Variants in MELK observed in about 807,000 individuals in gnomAD.
MELK encodes pEg3 kinase.
Under a neutral mutation model 85.0 loss-of-function variants are expected in MELK, and 81 were observed. The ratio of observed to expected loss-of-function variants is 0.95; its 90% CI spans 0.80 to 1.15. MELK has a LOEUF of 1.15. Among genes scored for constraint, MELK ranks in the 50% most tolerant of loss-of-function variants. The probability of loss-of-function intolerance (pLI) is 0.00; values close to 1 mark genes in which losing one functional copy is unlikely to be tolerated. For synonymous variants in MELK, 252 were observed against 265.0 expected (o/e 0.95, Z 0.48); for missense variants, 754 against 777.5 (o/e 0.97, Z 0.36).
chr9:36,629,845 T>G (rs957578890), intron 8 of MELK, among the ~76,000 whole-genome samples: 3 of 97,676 alleles, frequency 3.1e-5, no homozygotes, highest in Admixed American at 8.8e-5. Flanking sequence ...AAGAAATTGT[T>G]TTTTTTTTTT....
rs1433696974 is a variant in MELK at position 36,618,957 on chromosome 9, G to GT, written c.666+11285dup. 3.5e-3 allele frequency among the ~76,000 whole-genome samples: 498 copies of GT among 143,234 alleles called. 1 individual carries two copies. Among genetic ancestry groups the GT allele is most frequent in the Middle Eastern group, 0.019 (5 of 268 alleles). 94.0% of individuals were successfully genotyped at this position (143,234 alleles called of 152,430 possible). A position where few individuals can be genotyped will look rare whatever the true frequency, so the allele number is the denominator to read the frequency against. ...AGAATGAGTGAATGGTCAACTCTAA[G>GT]TATTTTTTTTTTTTTTTTTGAGACG... On this transcript the variant is annotated intron_variant, in intron 8 of 17. Coordinates refer to ENST00000298048, the MANE Select transcript of MELK (RefSeq NM_014791.4).
In MELK at chr9:36,615,229, G is replaced by T. The variant is rs1297463261; in HGVS notation, c.666+7556G>T. Reference sequence around the variant, plus strand: ...CCCCCACCTCCCTCCCAGACGGCACGGCTGGCCAGGCGGGGGGCTGACCCC... The same window carrying T: ...CCCCCACCTCCCTCCCAGACGGCACTGCTGGCCAGGCGGGGGGCTGACCCC... On this transcript the variant is annotated intron_variant, in intron 8 of 17. Coordinates refer to ENST00000298048, the MANE Select transcript of MELK (RefSeq NM_014791.4). Among the ~76,000 whole-genome samples, 1,180 of 138,372 alleles carry T rather than the reference G, an allele frequency of 8.5e-3. 33 individuals carry two copies. The highest frequency in any genetic ancestry group is 0.029 in the African/African-American group (1,004 of 34,076). The allele number at this position is 138,372 out of a possible 152,430, so 90.8% of individuals were successfully genotyped here. A position where few individuals can be genotyped will look rare whatever the true frequency, so the allele number is the denominator to read the frequency against.
At chr9:36,605,964 A>AAG (rs929816875) in intron 7 of MELK, among the ~76,000 whole-genome samples, 1 of 151,876 alleles carries the variant, frequency 6.6e-6, no homozygotes, top group Non-Finnish European at 1.5e-5. Context: ...AAAAAAAAAA[A>AAG]AAAAAAATTT....
At chr9:36,629,914 G>A (rs7046448) in intron 8 of MELK, 2,927 of 145,980 alleles carry the variant, frequency 0.02, 89 homozygotes, top group South Asian at 0.067. Flanking sequence ...GCACGATCTC[G>A]GCTCACTGCA....
chr9:36,596,908 T>G (rs531445381), intron 5 of MELK, among the ~76,000 whole-genome samples: 6 of 152,242 alleles, frequency 3.9e-5, no homozygotes, highest in Non-Finnish European at 8.8e-5. Flanking sequence ...TATATACTTC[T>G]TGTCATTTCG....
chr9:36,671,637 G>T (rs1312016473), intron 16 of MELK, among the ~76,000 whole-genome samples: 11 of 152,338 alleles, frequency 7.2e-5, no homozygotes, highest in Admixed American at 5.9e-4. Flanking sequence ...GGGCCTCAAG[G>T]CCTGGCTAAG....
chr9:36,621,765 G>A (rs1475823311), intron 8 of MELK, among the ~76,000 whole-genome samples: 1 of 152,102 alleles, frequency 6.6e-6, no homozygotes, highest in Non-Finnish European at 1.5e-5. Context: ...TGTTGTTACT[G>A]CAAGTTCACA....
intron 8 of MELK, among the ~76,000 whole-genome samples, chr9:36,620,382 C>T (rs1219157440): frequency 6.6e-6 from 1 of 152,140 alleles, no homozygotes; most frequent in African/African-American, 2.4e-5. Flanking sequence ...TTTTAGGTGT[C>T]ACCCCGCAAG....
chr9:36,621,137 T>C (rs904314752), intron 8 of MELK, among the ~76,000 whole-genome samples: 2 of 151,184 alleles, frequency 1.3e-5, no homozygotes, highest in Admixed American at 6.6e-5. Context: ...CCGGGCATAG[T>C]GGTGCATGCC....
chr9:36,572,978 C>T lies in MELK; in HGVS notation c.-68C>T, dbSNP rs1821241771. 1 of 152,278 alleles carries T rather than the reference C, an allele frequency of 6.6e-6. No individual in the cohort carries two copies. Among genetic ancestry groups the T allele is most frequent in the Admixed American group, 6.5e-5 (1 of 15,278 alleles). The allele number at this position is 152,278 out of a possible 1,614,324, so 9.4% of individuals were successfully genotyped here. A position where few individuals can be genotyped will look rare whatever the true frequency, so the allele number is the denominator to read the frequency against. On this transcript the variant is annotated 5_prime_UTR_variant, in exon 1 of 18. Coordinates refer to ENST00000298048, the MANE Select transcript of MELK (RefSeq NM_014791.4). ...AGCAGGCCCCTGTCCTTCTGTCGGG[C>T]GCCGCTCAGCCGTGCCCTCCGCCCC...
chr9:36,651,655 T>A, intron 11 of MELK, 91 bp from the exon 12 acceptor site: 2 of 1,464,380 alleles, frequency 1.4e-6, no homozygotes, highest in East Asian at 2.3e-5. Flanking sequence ...AAGTTCTGAA[T>A]GTTACACTGA....
Position 36,677,383 on chromosome 9 carries a change from G to A in MELK, c.*46G>A. 1 of 1,520,994 alleles carries A rather than the reference G, an allele frequency of 6.6e-7. No homozygotes were observed. The highest frequency in any genetic ancestry group is 2.1e-5 in the Admixed American group (1 of 48,594). The allele number at this position is 1,520,994 out of a possible 1,614,324, so 94.2% of individuals were successfully genotyped here. ...GCCGGATGAGTGTGGGTGTGATACA[G>A]CCTACATAAAGACTGTTATGATCGC... On this transcript the variant is annotated 3_prime_UTR_variant, in exon 18 of 18. Transcript: ENST00000298048.
At chr9:36,580,527 C>G (rs1259996198) in intron 1 of MELK, among the ~76,000 whole-genome samples, 1 of 151,704 alleles carries the variant, frequency 6.6e-6, no homozygotes. Flanking sequence ...TCATGTTGGT[C>G]AGGCTGGTCT....
intron 6 of MELK, 99 bp from the exon 7 acceptor site, chr9:36,599,295 C>G: frequency 1.4e-6 from 1 of 714,124 alleles, no homozygotes; most frequent in Non-Finnish European, 2.1e-6. Context: ...AGTGAGACTC[C>G]GTCTCAAAAA....
At chr9:36,604,194 C>T (rs1185872203) in intron 7 of MELK, among the ~76,000 whole-genome samples, 1 of 150,910 alleles carries the variant, frequency 6.6e-6, no homozygotes, top group Admixed American at 6.6e-5. Flanking sequence ...GTCTTGAACT[C>T]CCAACCTCAG....
chr9:36,604,257 C>T (rs138297948), intron 7 of MELK, among the ~76,000 whole-genome samples: 428 of 143,036 alleles, frequency 3.0e-3, no homozygotes, highest in Middle Eastern at 0.016. Flanking sequence ...GTGTAAGCCA[C>T]CGCGCCCGGG....
In MELK at chr9:36,640,667, C is replaced by T. The variant is rs536807245; in HGVS notation, c.835-2330C>T. Among the ~76,000 whole-genome samples, 430 of 152,284 alleles carry T rather than the reference C, an allele frequency of 2.8e-3. 1 individual carries two copies. The highest frequency in any genetic ancestry group is 5.0e-3 in the Non-Finnish European group (343 of 68,024). On this transcript the variant is annotated intron_variant, in intron 10 of 17. Coordinates refer to ENST00000298048, the MANE Select transcript of MELK (RefSeq NM_014791.4). ...GTCTTGCTGTATTGCCCAGGCCAGT[C>T]TCCAACTCCTGGCTTCAAGTGATCC...
At chr9:36,616,945 C>G (rs1826896019) in intron 8 of MELK, among the ~76,000 whole-genome samples, 1 of 151,296 alleles carries the variant, frequency 6.6e-6, no homozygotes, top group Non-Finnish European at 1.5e-5. Context: ...CTCAGAGCCT[C>G]TTCATTCTTT....
intron 7 of MELK, among the ~76,000 whole-genome samples, chr9:36,601,708 T>G (rs1042435194): frequency 6.6e-6 from 1 of 152,216 alleles, no homozygotes; most frequent in African/African-American, 2.4e-5. Context: ...ACTTTATACC[T>G]GTTAAACAAT....
Sources: allele counts gnomAD v4.1 joint callset (sites outside exome capture counted in the v4.1 genomes callset), GRCh38; gene constraint gnomAD v4.1.1; transcripts MANE v1.5; gene names NCBI Gene and HGNC (gene_info 2026-07-23, HGNC 2026-07-21).